Variants in TPTE2 observed in about 807,000 individuals in gnomAD.
The protein encoded by TPTE2 is transmembrane phosphoinositide 3-phosphatase and tensin homolog 2.
Under a neutral mutation model 78.6 loss-of-function variants are expected in TPTE2, and 53 were observed. That is an observed-to-expected ratio of 0.67 (90% CI 0.54 to 0.85). The LOEUF (loss-of-function observed/expected upper bound fraction) is 0.85, where lower values mean the gene tolerates loss of function less well. Ranked by LOEUF, TPTE2 falls within the 40% of genes least tolerant of loss-of-function variation. The probability of loss-of-function intolerance (pLI) is 0.00; values close to 1 mark genes in which losing one functional copy is unlikely to be tolerated. For synonymous variants in TPTE2, 175 were observed against 206.2 expected (o/e 0.85, Z 1.30); for missense variants, 461 against 623.0 (o/e 0.74, Z 2.77).
upstream of TPTE2, among the ~76,000 whole-genome samples, chr13:19,506,160 C>CTTGTTTTTT (rs1869007834): frequency 3.0e-5 from 1 of 32,850 alleles, no homozygotes; most frequent in African/African-American, 1.2e-4. Context: ...GTATATAAAT[C>CTTGTTTTTT]TTTTTTTTTT....
At chr13:19,503,155 CTG>C in intron 1 of TPTE2, 67 bp downstream of exon 4, 2 of 1,604,964 alleles carry the variant, frequency 1.2e-6, no homozygotes, top group Non-Finnish European at 1.7e-6. Flanking sequence ...GTTTATGTGC[CTG>C]TGTGTGTGAA....
At chr13:19,544,556 C>T in the TPTE2 span, among the ~76,000 whole-genome samples, 1 of 152,146 alleles carries the variant, frequency 6.6e-6, no homozygotes, top group Admixed American at 6.5e-5. Context: ...AATTAAATCT[C>T]TATTCATTAA....
rs547072876 is a variant in TPTE2, at chr13:19,445,766, AC to A, written c.973+4309del. Among the ~76,000 whole-genome samples, 246 of 152,308 alleles carry A rather than the reference AC, an allele frequency of 1.6e-3. 1 individual carries two copies. Among genetic ancestry groups the A allele is most frequent in the African/African-American group, 5.6e-3 (232 of 41,566 alleles). ...AGACCAGCCTGGACAACATGGCAAA[AC>A]CCCATCTCTACTAAAAATACAAAAG... On this transcript the variant is annotated intron_variant, in intron 13 of 19. Transcript: ENST00000400230.
intron 4 of TPTE2, among the ~76,000 whole-genome samples, chr13:19,480,197 A>C (rs1306388008): frequency 6.6e-6 from 1 of 152,136 alleles, no homozygotes; most frequent in Admixed American, 6.5e-5. Context: ...TCTCTGGTAC[A>C]GACTCTGGGG....
intron 3 of TPTE2, among the ~76,000 whole-genome samples, chr13:19,484,217 C>T (rs1424726761): frequency 6.6e-6 from 1 of 152,178 alleles, no homozygotes; most frequent in African/African-American, 2.4e-5. Context: ...TCTTTCTTCA[C>T]TCATTGTAAC....
chr13:19,550,356 G>A, the TPTE2 span, among the ~76,000 whole-genome samples: 11 of 152,198 alleles, frequency 7.2e-5, no homozygotes, highest in Admixed American at 6.5e-4. Flanking sequence ...CACTGCTGAT[G>A]ACAATATACC....
At chr13:19,430,200 T>C (rs1876454326) in intron 17 of TPTE2, among the ~76,000 whole-genome samples, 1 of 152,216 alleles carries the variant, frequency 6.6e-6, no homozygotes, top group Admixed American at 6.5e-5. Context: ...CCTGGGAACA[T>C]GCTCAGCATT....
rs1881124414 is a variant in TPTE2 at position 19,493,379 on chromosome 13, C to CTG, written c.65+67_65+68dup. 1.7e-5 allele frequency: 23 copies of CTG among 1,370,730 alleles called. No individual in the cohort carries two copies. In the Middle Eastern group the frequency reaches 7.2e-4, roughly 43 times the overall value. The allele number at this position is 1,370,730 out of a possible 1,614,324, so 84.9% of individuals were successfully genotyped here. ...TGGATGGATATATTTGCTCATATGC[C>CTG]TGTGTGTGTGTATAGTTCTATGCAC... is the stretch of plus-strand genomic sequence containing the variant. On this transcript the variant is annotated intron_variant, in intron 2 of 19. Coordinates refer to ENST00000400230, the Ensembl canonical transcript of TPTE2.
exon 20 of TPTE2, chr13:19,423,095 T>A (rs1875724218): frequency 6.2e-7 from 1 of 1,612,644 alleles, no homozygotes; most frequent in African/African-American, 1.3e-5. Flanking sequence ...CCACAGCAAA[T>A]TCTGGTGGAT....
intron 13 of TPTE2, among the ~76,000 whole-genome samples, chr13:19,441,665 A>G (rs1171610729): frequency 6.6e-6 from 1 of 152,144 alleles, no homozygotes; most frequent in Non-Finnish European, 1.5e-5. Context: ...TTAACTCAAC[A>G]AAGAGAATCC....
intron 10 of TPTE2, among the ~76,000 whole-genome samples, chr13:19,457,073 A>G (rs906756817): frequency 6.6e-6 from 1 of 152,214 alleles, no homozygotes; most frequent in African/African-American, 2.4e-5. Context: ...CATTGGGGGA[A>G]ATCATGCTCT....
chr13:19,531,294 A>ATTG (rs1870851827), intron 1 of TPTE2, among the ~76,000 whole-genome samples: 1 of 152,104 alleles, frequency 6.6e-6, no homozygotes, highest in Admixed American at 6.6e-5. Flanking sequence ...TTGTGACTTT[A>ATTG]TCCTGTTTTA....
At chr13:19,472,915 G>A (rs1408241502) in intron 6 of TPTE2, among the ~76,000 whole-genome samples, 3 of 152,192 alleles carry the variant, frequency 2.0e-5, no homozygotes, top group African/African-American at 7.2e-5. Flanking sequence ...GCTCTAGGCG[G>A]CACCCCAAGC....
intron 13 of TPTE2, among the ~76,000 whole-genome samples, chr13:19,441,746 T>G (rs1162556595): frequency 1.3e-5 from 2 of 152,194 alleles, no homozygotes; most frequent in Non-Finnish European, 1.5e-5. Flanking sequence ...AGCCTGGAAT[T>G]AAACAAAAAT....
chr13:19,428,133 C>G (rs181569599), intron 17 of TPTE2, among the ~76,000 whole-genome samples: 1 of 151,982 alleles, frequency 6.6e-6, no homozygotes, highest in Non-Finnish European at 1.5e-5. Flanking sequence ...GAGAAAAAGA[C>G]GAGCAATAAC....
chr13:19,475,187 A>G (rs959391887), intron 5 of TPTE2, among the ~76,000 whole-genome samples: 3 of 151,552 alleles, frequency 2.0e-5, no homozygotes, highest in African/African-American at 7.3e-5. Flanking sequence ...TAAGTCTCAT[A>G]TATATGTATG....
At chr13:19,437,015 A>C (rs1039196342) in intron 14 of TPTE2, among the ~76,000 whole-genome samples, 1 of 144,680 alleles carries the variant, frequency 6.9e-6, no homozygotes, top group Admixed American at 7.1e-5. Context: ...TTTAAGCTGC[A>C]ATCCACATTA....
intron 1 of TPTE2, among the ~76,000 whole-genome samples, chr13:19,511,709 A>G (rs191893633): frequency 1.0e-3 from 157 of 152,312 alleles, no homozygotes; most frequent in Admixed American, 3.2e-3. Flanking sequence ...GACCTTTTAA[A>G]CATCAAAATA....
chr13:19,435,755 GACACACACACACACACACACAC>G (rs60130804), intron 15 of TPTE2, among the ~76,000 whole-genome samples: 1 of 137,638 alleles, frequency 7.3e-6, no homozygotes, highest in Non-Finnish European at 1.6e-5. Flanking sequence ...ACACAGAAAA[GACACACACACACACACACACAC>G]ACACACACAC....
Sources: gnomAD v4.1 joint callset for allele counts (sites outside exome capture counted in the v4.1 genomes callset) on GRCh38, gnomAD v4.1.1 for gene constraint, MANE v1.5 for transcripts, NCBI Gene and HGNC (gene_info 2026-07-23, HGNC 2026-07-21) for gene names.